CYP4X1: variants seen among roughly 807,000 people sequenced by gnomAD.
CYP4X1 encodes the protein cytochrome P450 4X1.
In CYP4X1, 44 loss-of-function variants were observed where a neutral mutation model predicts 57.9. The observed-to-expected ratio is 0.76, with a 90% CI of 0.60 to 0.98. The LOEUF (loss-of-function observed/expected upper bound fraction) is 0.98. Among genes scored for constraint, CYP4X1 ranks in the 50% least tolerant of loss-of-function variants. The pLI, the probability that CYP4X1 is intolerant of heterozygous loss-of-function variation, is 0.00. For missense variants in CYP4X1, 532 were observed against 623.9 expected (o/e 0.85, Z 1.57); for synonymous variants, 227 against 228.6 (o/e 0.99, Z 0.06).
chr1:47,020,736 C>T (rs946574135), upstream of CYP4X1, among the ~76,000 whole-genome samples: 2 of 152,154 alleles, frequency 1.3e-5, no homozygotes, highest in African/African-American at 2.4e-5. Flanking sequence ...GACTTTTATC[C>T]CCATGGTTCC....
the CYP4X1 span, among the ~76,000 whole-genome samples, chr1:47,002,437 G>C: frequency 2.6e-5 from 4 of 152,216 alleles, no homozygotes; most frequent in Non-Finnish European, 4.4e-5. Context: ...CCAATGCTTA[G>C]GAGGAAGTTC....
the CYP4X1 span, among the ~76,000 whole-genome samples, chr1:46,991,303 T>C: frequency 6.6e-6 from 1 of 152,176 alleles, no homozygotes; most frequent in African/African-American, 2.4e-5. Context: ...GTTGACATCA[T>C]GGATTTGTAG....
At chr1:47,011,517 A>G in the CYP4X1 span, among the ~76,000 whole-genome samples, 5 of 152,244 alleles carry the variant, frequency 3.3e-5, no homozygotes, top group Non-Finnish European at 5.9e-5. Flanking sequence ...TTATGACTAA[A>G]ACACCAAAAG....
chr1:47,036,003 A>G lies in CYP4X1; in HGVS notation c.621-14A>G. 1 of 1,609,904 alleles carries G rather than the reference A, an allele frequency of 6.2e-7. No individual in the cohort carries two copies. Among genetic ancestry groups the G allele is most frequent in the Non-Finnish European group, 8.5e-7 (1 of 1,177,054 alleles). On this transcript the variant is annotated splice_polypyrimidine_tract_variant and intron_variant, in intron 5 of 11. Coordinates refer to ENST00000371901, the MANE Select transcript of CYP4X1 (RefSeq NM_178033.2). ...AGTTGTTTATTAACACATTATCCCA[A>G]CTTTCTCTTCTAGCACCCATGATCC...
At chr1:46,991,001 AAC>A in the CYP4X1 span, among the ~76,000 whole-genome samples, 1 of 151,788 alleles carries the variant, frequency 6.6e-6, no homozygotes, top group Non-Finnish European at 1.5e-5. Flanking sequence ...ATACCTATGT[AAC>A]AAACCTGCAC....
intron 2 of CYP4X1, 139 bp downstream of exon 2, chr1:47,030,270 C>G: frequency 9.5e-7 from 1 of 1,049,000 alleles, no homozygotes; most frequent in East Asian, 2.5e-5. Flanking sequence ...TGACAGGTTT[C>G]CTACCAATAC....
At chr1:47,019,480 T>C (rs144166049), upstream of CYP4X1, among the ~76,000 whole-genome samples, 97 of 152,358 alleles carry the variant, frequency 6.4e-4, no homozygotes, top group Non-Finnish European at 1.0e-3. Context: ...AGCCTTTGTA[T>C]AAGGGCACTG....
chr1:47,033,180 C>T (rs1644141777), intron 3 of CYP4X1, 61 bp from the exon 4 acceptor site: 5 of 1,574,934 alleles, frequency 3.2e-6, no homozygotes, highest in African/African-American at 1.4e-5. Context: ...CTGTGTTCCT[C>T]ATCTATCCTT....
At chr1:46,972,911 T>C in the CYP4X1 span, among the ~76,000 whole-genome samples, 1 of 152,206 alleles carries the variant, frequency 6.6e-6, no homozygotes, top group South Asian at 2.1e-4. Context: ...CCAATTTGGA[T>C]GCCTTTTTAT....
the CYP4X1 span, among the ~76,000 whole-genome samples, chr1:46,987,306 A>G: frequency 3.9e-5 from 6 of 152,244 alleles, no homozygotes; most frequent in African/African-American, 1.4e-4. Flanking sequence ...CATAATGGCA[A>G]AGGGATCAAT....
At chr1:47,029,446 TG>T (rs1255970661) in intron 1 of CYP4X1, among the ~76,000 whole-genome samples, 3 of 152,172 alleles carry the variant, frequency 2.0e-5, no homozygotes, top group Non-Finnish European at 4.4e-5. Context: ...CTTCTGTTGT[TG>T]GGGGGAGAAT....
the CYP4X1 span, among the ~76,000 whole-genome samples, chr1:47,001,494 G>A: frequency 1.3e-5 from 2 of 152,140 alleles, no homozygotes; most frequent in Non-Finnish European, 2.9e-5. Context: ...GATCCTCAGA[G>A]CTGGGCCAAG....
chr1:46,977,369 G>C, the CYP4X1 span, among the ~76,000 whole-genome samples: 1 of 151,994 alleles, frequency 6.6e-6, no homozygotes, highest in Non-Finnish European at 1.5e-5. Flanking sequence ...TGGAGGAAAG[G>C]GTATCAGTGA....
At chr1:47,047,166 A>G (rs1009877828) in intron 9 of CYP4X1, among the ~76,000 whole-genome samples, 9 of 152,180 alleles carry the variant, frequency 5.9e-5, no homozygotes, top group Admixed American at 1.3e-4. Context: ...GGCAGCCCCA[A>G]TGTGTAGATG....
the CYP4X1 span, among the ~76,000 whole-genome samples, chr1:47,014,090 A>C: frequency 1.3e-5 from 2 of 152,130 alleles, no homozygotes. Context: ...TGTACTTTTA[A>C]ATTTAATAAT....
At chr1:47,029,922 A>G in intron 1 of CYP4X1, 68 bp from the exon 2 acceptor site, 2 of 1,565,706 alleles carry the variant, frequency 1.3e-6, no homozygotes, top group South Asian at 2.4e-5. Flanking sequence ...TCCTGAACTC[A>G]GCTTGTGTCT....
At chr1:46,993,076 TC>T in the CYP4X1 span, among the ~76,000 whole-genome samples, 12 of 88,304 alleles carry the variant, frequency 1.4e-4, no homozygotes, top group African/African-American at 5.4e-4. Flanking sequence ...ATGCTATCCC[TC>T]CCCCCTCCCC....
the CYP4X1 span, among the ~76,000 whole-genome samples, chr1:46,982,123 A>G: frequency 5.9e-5 from 9 of 152,324 alleles, no homozygotes; most frequent in Admixed American, 2.0e-4. Flanking sequence ...TAGAACTTAA[A>G]ATATAATAAA....
At chr1:46,996,859 G>C in the CYP4X1 span, among the ~76,000 whole-genome samples, 1 of 152,124 alleles carries the variant, frequency 6.6e-6, no homozygotes, top group African/African-American at 2.4e-5. Flanking sequence ...ATTTTGGATG[G>C]GTTACATCAC....
Sources: gnomAD v4.1 joint callset for allele counts (sites outside exome capture counted in the v4.1 genomes callset) on GRCh38, gnomAD v4.1.1 for gene constraint, MANE v1.5 for transcripts, NCBI Gene and HGNC (gene_info 2026-07-23, HGNC 2026-07-21) for gene names.